The following CFAP46 variants were observed in gnomAD, a reference collection of about 807,000 sequenced individuals.
CFAP46 encodes the protein cilia and flagella associated protein 46.
In CFAP46, 245 loss-of-function variants were observed where a neutral mutation model predicts 325.7. The ratio of observed to expected loss-of-function variants is 0.75; its 90% CI spans 0.68 to 0.84. The LOEUF is 0.84. Ranked by LOEUF, CFAP46 falls within the 40% of genes least tolerant of loss-of-function variation. CFAP46 has a pLI of 0.00. For synonymous variants in CFAP46, 1,523 were observed against 1,495.9 expected (o/e 1.02, Z -0.42); for missense variants, 3,346 against 3,543.0 (o/e 0.94, Z 1.41).
chr10:132,808,452 GTCT>G lies in CFAP46; in HGVS notation c.8114_8116del (p.Lys2705del). ...CAAAAACAGGCTCACGGTCTGAATA[GTCT>G]TCTGGTCTAAGCAACTCAGCACCAG... On this transcript the variant is annotated inframe_deletion, in exon 58 of 58. Coordinates refer to ENST00000368586, the MANE Select transcript of CFAP46 (RefSeq NM_001200049.3). The surrounding 1 kb of genome is among the most constrained non-coding windows in gnomAD (Gnocchi z 6.8). 1 of 1,612,766 alleles carries G rather than the reference GTCT, an allele frequency of 6.2e-7. No individual in the cohort carries two copies. Among genetic ancestry groups the G allele is most frequent in the African/African-American group, 1.3e-5 (1 of 75,040 alleles).
chr10:132,838,438 C>T (rs1848300883), intron 44 of CFAP46, among the ~76,000 whole-genome samples: 2 of 152,290 alleles, frequency 1.3e-5, no homozygotes, highest in African/African-American at 4.8e-5. Context: ...TGTGGCCAGG[C>T]AAAGAGATGG....
intron 50 of CFAP46, among the ~76,000 whole-genome samples, chr10:132,815,232 G>A (rs982942718): frequency 6.6e-6 from 1 of 152,186 alleles, no homozygotes; most frequent in African/African-American, 2.4e-5. Context: ...TGGTTCCAGG[G>A]CCTTCTGTAC....
In CFAP46 at chr10:132,869,475, G is replaced by A. The variant is rs189960005; in HGVS notation, c.4512-103C>T. On this transcript the variant is annotated intron_variant, in intron 32 of 57. Coordinates refer to ENST00000368586, the MANE Select transcript of CFAP46 (RefSeq NM_001200049.3). The surrounding 1 kb of genome is among the most constrained non-coding windows in gnomAD (Gnocchi z 6.2). Reference sequence around the variant, plus strand: ...ACAGAAAACGGTCAACTAACACATCGAGGCACACTTGGATGGTATTTTCAA... The same window carrying A: ...ACAGAAAACGGTCAACTAACACATCAAGGCACACTTGGATGGTATTTTCAA... The A allele has an allele frequency of 5.6e-4, 402 of 722,394 alleles. 3 individuals carry two copies. The highest frequency in any genetic ancestry group is 5.2e-4 in the East Asian group (16 of 30,738). 44.7% of individuals were successfully genotyped at this position (722,394 alleles called of 1,614,324 possible). A position where few individuals can be genotyped will look rare whatever the true frequency, so the allele number is the denominator to read the frequency against.
chr10:132,816,395 G>A (rs1373788765), intron 50 of CFAP46, among the ~76,000 whole-genome samples: 14 of 147,458 alleles, frequency 9.5e-5, no homozygotes, highest in Non-Finnish European at 2.1e-4. Flanking sequence ...GCAGTGGCGC[G>A]ATCTCGGCTC....
rs1232018384 is a variant in CFAP46 at position 132,817,852 on chromosome 10, T to C, written c.7118-2938A>G. 6.6e-6 allele frequency among the ~76,000 whole-genome samples: 1 copy of C among 152,106 alleles called. No homozygotes were observed. The highest frequency in any genetic ancestry group is 2.4e-5 in the African/African-American group (1 of 41,402). ...CTGGGAGTCGGAGGTCCGAATGGGG[T>C]CACTGGGTCACAGTGAACGGCGTCG... On this transcript the variant is annotated intron_variant, in intron 50 of 57. Transcript: ENST00000368586. This position sits in a 1 kb window ranked among gnomAD's most constrained non-coding sequence, Gnocchi z 4.4.
chr10:132,828,762 C>T lies in CFAP46; in HGVS notation c.7117+4596G>A, dbSNP rs1166660706. Among the ~76,000 whole-genome samples, 4 of 152,140 alleles carry T rather than the reference C, an allele frequency of 2.6e-5. No individual in the cohort carries two copies. Among genetic ancestry groups the T allele is most frequent in the Non-Finnish European group, 4.4e-5 (3 of 68,036 alleles). ...ATTTCGAGCTGATTTTCCTGCGTGG[C>T]GTGCGGCCTCGTTTTTGTTGTGTTT... On this transcript the variant is annotated intron_variant, in intron 50 of 57. Transcript: ENST00000368586. This position sits in a 1 kb window ranked among gnomAD's most constrained non-coding sequence, Gnocchi z 4.9.
Position 132,884,843 on chromosome 10 carries a change from CT to C in CFAP46, c.3627+259del, listed in dbSNP as rs993653848. Among the ~76,000 whole-genome samples, 9 of 152,172 alleles carry C rather than the reference CT, an allele frequency of 5.9e-5. No individual in the cohort carries two copies. Among genetic ancestry groups the C allele is most frequent in the Non-Finnish European group, 1.0e-4 (7 of 68,032 alleles). ...TTGGGGCATCACCCTCTGGGCCCCC[CT>C]CACCCTGCTCAGGGACGAGGACCTG... is the stretch of plus-strand genomic sequence containing the variant. On this transcript the variant is annotated intron_variant, in intron 27 of 57. Transcript: ENST00000368586. The surrounding 1 kb of genome is among the most constrained non-coding windows in gnomAD (Gnocchi z 5.4).
At position 132,832,620 on chromosome 10, in the gene CFAP46, TTTA is replaced by T; in HGVS notation, c.7117+735_7117+737del. ...GAGATGGAAGCAAAAGTCCAATCGA[TTTA>T]TTTTTAATTTTATTTGATACCGAAG... On this transcript the variant is annotated intron_variant, in intron 50 of 57. Transcript: ENST00000368586. This position sits in a 1 kb window ranked among gnomAD's most constrained non-coding sequence, Gnocchi z 4.1. 1 of 376,994 alleles carries T rather than the reference TTTA, an allele frequency of 2.7e-6. No individual in the cohort carries two copies. Among genetic ancestry groups the T allele is most frequent in the Non-Finnish European group, 5.6e-6 (1 of 179,244 alleles). 23.4% of individuals were successfully genotyped at this position (376,994 alleles called of 1,614,324 possible).
At chr10:132,904,978 G>T (rs575244869) in intron 22 of CFAP46, among the ~76,000 whole-genome samples, 42 of 152,182 alleles carry the variant, frequency 2.8e-4, no homozygotes, top group African/African-American at 9.6e-4. Flanking sequence ...CACCTACGAC[G>T]TCACGCCAGC....
chr10:132,938,544 G>A, intron 5 of CFAP46, 45 bp downstream of exon 5: 1 of 1,594,142 alleles, frequency 6.3e-7, no homozygotes, highest in Non-Finnish European at 8.6e-7. Flanking sequence ...GAGCCAGAGG[G>A]CGGCCCACCG....
intron 39 of CFAP46, among the ~76,000 whole-genome samples, chr10:132,855,900 T>G (rs1848634964): frequency 6.6e-6 from 1 of 152,224 alleles, no homozygotes; most frequent in South Asian, 2.1e-4. Flanking sequence ...GGACACAATT[T>G]CCCCTGGAGT....
chr10:132,816,694 C>T (rs765890045), intron 50 of CFAP46, among the ~76,000 whole-genome samples: 9 of 152,188 alleles, frequency 5.9e-5, no homozygotes, highest in African/African-American at 1.2e-4. Flanking sequence ...CCTATTCTGA[C>T]GTTGGCATTT....
At chr10:132,857,545 G>A (rs745497610) in intron 39 of CFAP46, 45 bp downstream of exon 39, 33 of 1,582,348 alleles carry the variant, frequency 2.1e-5, no homozygotes, top group Middle Eastern at 2.1e-4. Flanking sequence ...TTTATATCCC[G>A]GTGGGAGTGA....
intron 27 of CFAP46, among the ~76,000 whole-genome samples, chr10:132,883,078 T>G (rs1465103800): frequency 6.6e-6 from 1 of 152,148 alleles, no homozygotes; most frequent in African/African-American, 2.4e-5. Flanking sequence ...TTCGCAGATA[T>G]AATGCCAGAA....
Position 132,885,805 on chromosome 10 carries a change from T to C in CFAP46, c.3443+16A>G. The C allele has an allele frequency of 6.7e-7, 1 of 1,501,524 alleles. No homozygotes were observed. The highest frequency in any genetic ancestry group is 8.9e-7 in the Non-Finnish European group (1 of 1,127,874). The allele number at this position is 1,501,524 out of a possible 1,614,324, so 93.0% of individuals were successfully genotyped here. ...CGGTGGAGGGAGCACTCACAGGCGG[T>C]GGGGGGAGCACTCACAGGCGGTGGG... On this transcript the variant is annotated intron_variant, in intron 26 of 57. Transcript: ENST00000368586.
intron 37 of CFAP46, among the ~76,000 whole-genome samples, chr10:132,859,564 G>GTATCCAGGCGGAAATTC (rs1421772689): frequency 2.6e-5 from 4 of 152,182 alleles, no homozygotes; most frequent in African/African-American, 9.7e-5. Flanking sequence ...TAGTGGAACA[G>GTATCCAGGCGGAAATTC]AAACCCATGT....
chr10:132,839,531 A>AT lies in CFAP46; in HGVS notation c.6439-2618dup, dbSNP rs561405524. On this transcript the variant is annotated intron_variant, in intron 44 of 57. Coordinates refer to ENST00000368586, the MANE Select transcript of CFAP46 (RefSeq NM_001200049.3). ...TTTCTTTTCAGTCTTTCTACATGTT[A>AT]TTTCTTTTTCTAGTCATATTGTTCT... Among the ~76,000 whole-genome samples, 10 of 151,938 alleles carry AT rather than the reference A, an allele frequency of 6.6e-5. No individual in the cohort carries two copies. In the South Asian group the frequency reaches 2.1e-3, roughly 32 times the overall value.
At chr10:132,885,330 C>T in intron 26 of CFAP46, 44 bp from the exon 27 acceptor site, 2 of 1,506,410 alleles carry the variant, frequency 1.3e-6, no homozygotes, top group South Asian at 1.3e-5. Flanking sequence ...GATCGGGTGG[C>T]AGAATTTTAA....
chr10:132,870,494 G>A (rs1015968796), intron 32 of CFAP46, among the ~76,000 whole-genome samples: 12 of 152,172 alleles, frequency 7.9e-5, no homozygotes, highest in African/African-American at 2.9e-4. Context: ...AGTTCTGAAA[G>A]GAAATGAGAA....
Sources: gnomAD v4.1 joint callset for allele counts (sites outside exome capture counted in the v4.1 genomes callset) on GRCh38, gnomAD v4.1.1 for gene constraint, Gnocchi (gnomAD v3.1) non-coding constraint, MANE v1.5 for transcripts, NCBI Gene and HGNC (gene_info 2026-07-23, HGNC 2026-07-21) for gene names.